The following MTUS2 variants were observed in gnomAD, a reference collection of about 807,000 sequenced individuals.
The protein encoded by MTUS2 is microtubule-associated tumor suppressor candidate 2.
MTUS2 carries 40 observed loss-of-function variants against 114.1 expected under a neutral mutation model. The ratio of observed to expected loss-of-function variants is 0.35; its 90% confidence interval spans 0.27 to 0.46. The LOEUF is 0.46. Ranked by LOEUF, MTUS2 falls within the 20% of genes least tolerant of loss-of-function variation. The pLI, the probability that MTUS2 is intolerant of heterozygous loss-of-function variation, is 1.00. For synonymous variants in MTUS2, 688 were observed against 672.0 expected (o/e 1.02, Z -0.37); for missense variants, 1,679 against 1,705.4 (o/e 0.98, Z 0.27).
chr13:28,889,029 G>A (rs148491492), intron 2 of MTUS2, among the ~76,000 whole-genome samples: 4 of 152,256 alleles, frequency 2.6e-5, no homozygotes, highest in East Asian at 3.9e-4. Context: ...TTGAAGTTCC[G>A]ACAACCAAGT....
chr13:29,024,028 A>T (rs746448074), intron 2 of MTUS2, among the ~76,000 whole-genome samples: 18 of 152,256 alleles, frequency 1.2e-4, no homozygotes, highest in Non-Finnish European at 2.6e-4. Flanking sequence ...TTGTTCCCCA[A>T]CAATCTTTTA....
Position 29,480,045 on chromosome 13 carries a change from G to A in MTUS2, c.3185-105G>A, listed in dbSNP as rs1262769477. The A allele has an allele frequency of 1.2e-5, 14 of 1,153,746 alleles. No homozygotes were observed. Among genetic ancestry groups the A allele is most frequent in the East Asian group, 5.2e-5 (2 of 38,686 alleles). 71.5% of individuals were successfully genotyped at this position (1,153,746 alleles called of 1,614,324 possible). On this transcript the variant is annotated intron_variant, in intron 9 of 15. Transcript: ENST00000612955. The surrounding 1 kb of genome is among the most constrained non-coding windows in gnomAD (Gnocchi z 4.4). ...AGCCCTGCAGAAGTCAGAGGACCTC[G>A]CCCTGTTTATTACGCCAGCCTTGAT...
intron 7 of MTUS2, among the ~76,000 whole-genome samples, chr13:29,329,593 T>C (rs977547329): frequency 4.0e-5 from 6 of 150,420 alleles, no homozygotes; most frequent in African/African-American, 1.5e-4. Context: ...AGTGCTGCAA[T>C]AAACATACAT....
intron 2 of MTUS2, among the ~76,000 whole-genome samples, chr13:28,928,254 G>A (rs944281167): frequency 3.3e-5 from 5 of 151,956 alleles, no homozygotes; most frequent in East Asian, 1.9e-4. Context: ...ACAGACAAAC[G>A]GGATTACAGC....
chr13:28,882,049 G>C (rs1878322328), intron 2 of MTUS2, among the ~76,000 whole-genome samples: 1 of 152,096 alleles, frequency 6.6e-6, no homozygotes, highest in Non-Finnish European at 1.5e-5. Flanking sequence ...CACACCATGT[G>C]TACAAAAATT....
At chr13:28,953,380 G>A (rs1279939396) in intron 2 of MTUS2, among the ~76,000 whole-genome samples, 1 of 152,022 alleles carries the variant, frequency 6.6e-6, no homozygotes, top group African/African-American at 2.4e-5. Flanking sequence ...ATGGTGGTGT[G>A]CACCTGTAAT....
chr13:29,288,896 C>T (rs1373391532), intron 6 of MTUS2, among the ~76,000 whole-genome samples: 1 of 152,166 alleles, frequency 6.6e-6, no homozygotes, highest in East Asian at 1.9e-4. Flanking sequence ...TTTAAGCGGA[C>T]TCAGAGACTG....
intron 4 of MTUS2, among the ~76,000 whole-genome samples, chr13:29,069,152 A>G (rs553561777): frequency 2.6e-5 from 4 of 152,280 alleles, no homozygotes; most frequent in Non-Finnish European, 5.9e-5. Context: ...GAGAAGCAGA[A>G]CCAATATGAA....
chr13:29,076,271 C>T (rs1392648142), intron 4 of MTUS2, among the ~76,000 whole-genome samples: 4 of 152,214 alleles, frequency 2.6e-5, no homozygotes, highest in Admixed American at 6.5e-5. Flanking sequence ...CAAAGCCACT[C>T]TTACAGGATA....
chr13:28,883,407 C>T (rs1481078956), intron 2 of MTUS2, among the ~76,000 whole-genome samples: 5 of 152,074 alleles, frequency 3.3e-5, no homozygotes, highest in East Asian at 3.9e-4. Context: ...CCAAAGTATT[C>T]TTTAATGAGT....
intron 5 of MTUS2, among the ~76,000 whole-genome samples, chr13:29,198,952 T>C (rs7328204): frequency 0.025 from 3,733 of 152,256 alleles, 152 homozygotes; most frequent in African/African-American, 0.085. Flanking sequence ...GCTTATCAGC[T>C]TAAGGATATT....
chr13:28,825,884 G>C (rs1874236437), intron 1 of MTUS2, among the ~76,000 whole-genome samples: 1 of 152,168 alleles, frequency 6.6e-6, no homozygotes, highest in Non-Finnish European at 1.5e-5. Flanking sequence ...TGGCATTGGG[G>C]AGGTGGCATT....
rs537513912 is a variant in MTUS2 at position 29,446,002 on chromosome 13, A to G, written c.3184+5953A>G. 2.8e-4 allele frequency among the ~76,000 whole-genome samples: 43 copies of G among 152,238 alleles called. 1 individual carries two copies. Among genetic ancestry groups the G allele is most frequent in the African/African-American group, 9.6e-4 (40 of 41,544 alleles). On this transcript the variant is annotated intron_variant, in intron 9 of 15. Coordinates refer to ENST00000612955, the MANE Select transcript of MTUS2 (RefSeq NM_001033602.4). ...TTGGTGGGTGGGACTGAAAGTTCCA[A>G]TCCTCTAATGACTTGTTCCTTCTGG...
At chr13:29,300,718 A>G (rs958298032) in intron 6 of MTUS2, among the ~76,000 whole-genome samples, 1 of 152,182 alleles carries the variant, frequency 6.6e-6, no homozygotes, top group African/African-American at 2.4e-5. Flanking sequence ...TATTATTTGA[A>G]GACAGTAGTT....
At chr13:28,970,261 C>A (rs1469619818) in intron 2 of MTUS2, among the ~76,000 whole-genome samples, 13 of 152,156 alleles carry the variant, frequency 8.5e-5, no homozygotes, top group Admixed American at 8.5e-4. Context: ...TTGTCTAGAT[C>A]TTTATATGTA....
Position 29,445,889 on chromosome 13 carries a change from C to T in MTUS2, c.3184+5840C>T, listed in dbSNP as rs150923149. Among the ~76,000 whole-genome samples, 1,333 of 151,300 alleles carry T rather than the reference C, an allele frequency of 8.8e-3. 16 individuals carry two copies. Among genetic ancestry groups the T allele is most frequent in the African/African-American group, 0.029 (1,206 of 41,112 alleles). On this transcript the variant is annotated intron_variant, in intron 9 of 15. Coordinates refer to ENST00000612955, the MANE Select transcript of MTUS2 (RefSeq NM_001033602.4). Reference sequence around the variant, plus strand: ...TGCCACTGCACTCCAGCCTGAGTGACGGAGCAAGACTCTGTCTCCAAAAAA... The same window carrying T: ...TGCCACTGCACTCCAGCCTGAGTGATGGAGCAAGACTCTGTCTCCAAAAAA...
intron 2 of MTUS2, among the ~76,000 whole-genome samples, chr13:28,995,201 A>G (rs1439739798): frequency 1.2e-4 from 19 of 152,236 alleles, no homozygotes; most frequent in Admixed American, 8.5e-4. Context: ...GTCAAAGATC[A>G]GATAGTTGCA....
chr13:29,230,035 A>G (rs1896263420), intron 5 of MTUS2, among the ~76,000 whole-genome samples: 1 of 152,172 alleles, frequency 6.6e-6, no homozygotes, highest in South Asian at 2.1e-4. Flanking sequence ...TCACGAGGTC[A>G]GGAGACCAAG....
At chr13:29,487,759 C>T in intron 10 of MTUS2, 141 bp from the exon 11 acceptor site, 1 of 701,092 alleles carries the variant, frequency 1.4e-6, no homozygotes, top group Non-Finnish European at 2.5e-6. Flanking sequence ...ACATCACCAC[C>T]AAAGTCCAGC....
Sources: gnomAD v4.1 joint callset for allele counts (sites outside exome capture counted in the v4.1 genomes callset) on GRCh38, gnomAD v4.1.1 for gene constraint, Gnocchi (gnomAD v3.1) non-coding constraint, MANE v1.5 for transcripts, NCBI Gene and HGNC (gene_info 2026-07-23, HGNC 2026-07-21) for gene names.